The following MAGI3 variants were observed in gnomAD, a reference collection of about 807,000 sequenced individuals.
MAGI3 encodes the protein membrane-associated guanylate kinase, WW and PDZ domain-containing protein 3.
MAGI3 carries 43 observed loss-of-function variants against 121.8 expected under a neutral mutation model. The ratio of observed to expected loss-of-function variants is 0.35; its 90% CI spans 0.28 to 0.46. The LOEUF is 0.46. Among genes scored for constraint, MAGI3 ranks in the 20% least tolerant of loss-of-function variants. The pLI is 1.00. For missense variants in MAGI3, 1,547 were observed against 1,797.3 expected (o/e 0.86, Z 2.52); for synonymous variants, 553 against 639.3 (o/e 0.86, Z 2.04).
At chr1:113,552,866 C>A (rs1659841240) in intron 2 of MAGI3, among the ~76,000 whole-genome samples, 4 of 152,196 alleles carry the variant, frequency 2.6e-5, no homozygotes, top group African/African-American at 7.2e-5. Flanking sequence ...AAATATCATA[C>A]TTTCCTAAAA....
chr1:113,452,814 A>C (rs954591593), intron 1 of MAGI3, among the ~76,000 whole-genome samples: 6 of 152,192 alleles, frequency 3.9e-5, no homozygotes, highest in Non-Finnish European at 8.8e-5. Flanking sequence ...AAACATGACA[A>C]AGGAAAACCC....
At chr1:113,530,808 C>T (rs1046582628) in intron 1 of MAGI3, among the ~76,000 whole-genome samples, 26 of 151,896 alleles carry the variant, frequency 1.7e-4, no homozygotes, top group African/African-American at 3.9e-4. Flanking sequence ...CCCAGCTACT[C>T]GCGAAGCTGA....
At chr1:113,600,328 G>T (rs1321487193) in intron 6 of MAGI3, among the ~76,000 whole-genome samples, 1 of 151,964 alleles carries the variant, frequency 6.6e-6, no homozygotes, top group Non-Finnish European at 1.5e-5. Flanking sequence ...AAACCCCATT[G>T]TCTCAGCCCA....
At chr1:113,497,220 G>GCACTCCAGCCT (rs1322712187) in intron 1 of MAGI3, among the ~76,000 whole-genome samples, 5 of 145,366 alleles carry the variant, frequency 3.4e-5, no homozygotes, top group African/African-American at 4.9e-5. Context: ...TCACACCACT[G>GCACTCCAGCCT]GAATAGGAAC....
In MAGI3 at chr1:113,642,468, A is replaced by G; in HGVS notation, c.1918A>G (p.Lys640Glu). 6.2e-7 allele frequency: 1 copy of G among 1,614,124 alleles called. No homozygotes were observed. Among genetic ancestry groups the G allele is most frequent in the Non-Finnish European group, 8.5e-7 (1 of 1,179,984 alleles). Reference sequence around the variant, plus strand: ...ACATCTCCAAGTGGTAGAGGTGCTAAAGCAGTTTCCAGTAGGTGCTGATGT... The same window carrying G: ...ACATCTCCAAGTGGTAGAGGTGCTAGAGCAGTTTCCAGTAGGTGCTGATGT... ...LTHLQVVEVL[K>E]QFPVGADVPL... Residue 640 changes from lysine (K) to glutamate (E), a missense_variant, in exon 10 of 21, where the codon AAG becomes GAG. Transcript: ENST00000307546.
chr1:113,549,207 A>G (rs1659662507), intron 1 of MAGI3, among the ~76,000 whole-genome samples: 1 of 152,218 alleles, frequency 6.6e-6, no homozygotes, highest in Non-Finnish European at 1.5e-5. Flanking sequence ...TTATCATTAT[A>G]TAGATAGTAT....
Position 113,549,539 on chromosome 1 carries a change from G to C in MAGI3, c.341G>C (p.Arg114Pro), listed in dbSNP as rs772074544. 1.3e-6 allele frequency: 2 copies of C among 1,591,404 alleles called. No individual in the cohort carries two copies. The highest frequency in any genetic ancestry group is 2.3e-5 in the South Asian group (2 of 86,794). The change falls in exon 2 of 21, where the codon CGG (arginine) becomes CCG (proline). Residue 114 changes from arginine to proline, a missense_variant. Transcript: ENST00000307546. ...KPGKVINKDLRHYLSLQFQKG... is the reference protein window; with the variant it reads ...KPGKVINKDLPHYLSLQFQKG... ...GGCAAAGTCATTAATAAAGATTTGC[G>C]GCATTACCTAAGTCTTCAGTTTCAA...
Position 113,683,858 on chromosome 1 carries a change from A to G in MAGI3, c.4290A>G (p.Lys1430=), listed in dbSNP as rs1157143633. The G allele has an allele frequency of 3.1e-6, 5 of 1,612,762 alleles. No individual in the cohort carries two copies. The highest frequency in any genetic ancestry group is 1.7e-5 in the Admixed American group (1 of 59,886). ...ACAAAACAGAAGATCACAAAGGGAA[A>G]GAACTAGAGGCAGCTGACAAAAACA... The part of the protein sequence containing the change: ...VSNKTEDHKG[K]ELEAADKNKE... Residue 1430 remains lysine, a synonymous_variant, in exon 21 of 21, where the codon AAA becomes AAG. Transcript: ENST00000307546.
intron 1 of MAGI3, among the ~76,000 whole-genome samples, chr1:113,426,952 ATC>A (rs948070388): frequency 2.0e-5 from 3 of 151,524 alleles, no homozygotes; most frequent in African/African-American, 7.3e-5. Flanking sequence ...ATCTGTATCT[ATC>A]TATATATATA....
intron 1 of MAGI3, among the ~76,000 whole-genome samples, chr1:113,423,923 G>T (rs1236401696): frequency 6.6e-6 from 1 of 152,146 alleles, no homozygotes; most frequent in Non-Finnish European, 1.5e-5. Flanking sequence ...GTGTGTCAGC[G>T]CCACCCCAAG....
Position 113,657,990 on chromosome 1 carries a change from A to T in MAGI3, c.2630-1090A>T, listed in dbSNP as rs72988587. Among the ~76,000 whole-genome samples, 910 of 152,324 alleles carry T rather than the reference A, an allele frequency of 6.0e-3. 10 individuals are homozygous for T. The highest frequency in any genetic ancestry group is 0.021 in the African/African-American group (858 of 41,576). On this transcript the variant is annotated intron_variant, in intron 15 of 20. Transcript: ENST00000307546. ...ATTTAAATGTCCCTTACATACTCCT[A>T]GATATGATTCAGAAATACTAGTAAG...
intron 3 of MAGI3, among the ~76,000 whole-genome samples, chr1:113,584,750 C>G (rs1279397104): frequency 6.6e-6 from 1 of 152,074 alleles, no homozygotes; most frequent in Non-Finnish European, 1.5e-5. Flanking sequence ...CAAAGTATGT[C>G]CTAATTCAGA....
At chr1:113,594,457 C>T in intron 5 of MAGI3, 24 bp from the exon 6 acceptor site, 1 of 1,565,830 alleles carries the variant, frequency 6.4e-7, no homozygotes, top group Non-Finnish European at 8.7e-7. Context: ...TTTACTGTTT[C>T]TAATTAAAAT....
At chr1:113,472,254 G>A (rs1331732450) in intron 1 of MAGI3, among the ~76,000 whole-genome samples, 2 of 150,538 alleles carry the variant, frequency 1.3e-5, no homozygotes, top group East Asian at 3.9e-4. Context: ...CCAGGCTGGA[G>A]TGCAGTGGCG....
At chr1:113,410,259 G>T (rs1651905087) in intron 1 of MAGI3, among the ~76,000 whole-genome samples, 1 of 151,966 alleles carries the variant, frequency 6.6e-6, no homozygotes, top group African/African-American at 2.4e-5. Context: ...GCATTGGGAA[G>T]CCTCTTATAT....
At chr1:113,462,306 C>T (rs1655075369) in intron 1 of MAGI3, among the ~76,000 whole-genome samples, 1 of 152,162 alleles carries the variant, frequency 6.6e-6, no homozygotes. Context: ...GATGTGGAAT[C>T]AACCTAAATG....
intron 6 of MAGI3, among the ~76,000 whole-genome samples, chr1:113,613,317 C>T (rs571167011): frequency 1.8e-4 from 28 of 152,206 alleles, no homozygotes; most frequent in African/African-American, 6.7e-4. Context: ...CACAAAAACT[C>T]ATCAAACTTT....
In MAGI3 at chr1:113,604,565, CAAAAAAAAAAAAAAA is replaced by C. The variant is rs59047770; in HGVS notation, c.1019-10020_1019-10006del. On this transcript the variant is annotated intron_variant, in intron 6 of 20. Coordinates refer to ENST00000307546, the MANE Select transcript of MAGI3 (RefSeq NM_001142782.2). ...CTGGCGACAGAGTGAGTCTCCATCTCAAAAAAAAAAAAAAAAAAAAAAAAAAAAAAGAGAAGAAAG... is the reference window on the plus strand; with the variant it reads ...CTGGCGACAGAGTGAGTCTCCATCTCAAAAAAAAAAAAAAAGAGAAGAAAG... Among the ~76,000 whole-genome samples the C allele has an allele frequency of 6.5e-5, 4 of 62,008 alleles. 1 individual carries two copies. The highest frequency in any genetic ancestry group is 1.8e-3 in the East Asian group (2 of 1,114). 40.7% of individuals were successfully genotyped at this position (62,008 alleles called of 152,430 possible).
intron 2 of MAGI3, among the ~76,000 whole-genome samples, chr1:113,571,856 T>C (rs1199502575): frequency 6.6e-6 from 1 of 152,204 alleles, no homozygotes. Context: ...AAAATTGACT[T>C]CCTCTCTTCC....
Sources: allele counts gnomAD v4.1 joint callset (sites outside exome capture counted in the v4.1 genomes callset), GRCh38; gene constraint gnomAD v4.1.1; transcripts MANE v1.5; gene names NCBI Gene and HGNC (gene_info 2026-07-23, HGNC 2026-07-21).